Variants in PNPLA7 observed in about 807,000 individuals in gnomAD.
PNPLA7 encodes the protein patatin-like phospholipase domain-containing protein 7.
Under a neutral mutation model 161.7 loss-of-function variants are expected in PNPLA7, and 153 were observed. That is an observed-to-expected ratio of 0.95 (90% CI 0.83 to 1.08). The LOEUF is 1.08. Ranked by LOEUF, PNPLA7 falls within the 50% of genes least tolerant of loss-of-function variation. The pLI, the probability that PNPLA7 is intolerant of heterozygous loss-of-function variation, is 0.00. For missense variants in PNPLA7, 1,739 were observed against 1,856.6 expected, an observed-to-expected ratio of 0.94 and a Z score of 1.16; for synonymous variants, 809 against 782.1, an observed-to-expected ratio of 1.03 and a Z score of -0.57.
rs1193466596 is a variant in PNPLA7, at chr9:137,541,705, AC to A, written c.666+936del. 6.6e-6 allele frequency among the ~76,000 whole-genome samples: 1 copy of A among 151,956 alleles called. No individual in the cohort carries two copies. The highest frequency in any genetic ancestry group is 6.6e-5 in the Admixed American group (1 of 15,230). On this transcript the variant is annotated intron_variant, in intron 7 of 34. Transcript: ENST00000406427. This position sits in a 1 kb window ranked among gnomAD's most constrained non-coding sequence, Gnocchi z 4.4. ...CACGGCAGGGTCTGGCCCAGCACCC[AC>A]CCCCGAGCAGCGATTCAAAGGGTGG...
rs1460605421 is a variant in PNPLA7, at chr9:137,462,727, C to A, written c.3450G>T (p.Trp1150Cys). The change falls in exon 30 of 35, where the codon TGG (tryptophan) becomes TGT (cysteine). Residue 1150 changes from tryptophan to cysteine, a missense_variant. By Grantham distance (215) the Trp-to-Cys change is radical. Coordinates refer to ENST00000406427, the MANE Select transcript of PNPLA7 (RefSeq NM_001098537.3). ...AGGGGTTCCAGCGTTTCCACAGCAGCCACCACCCAGACAGCGCATCCCCAT... is the reference window on the plus strand; with the variant it reads ...AGGGGTTCCAGCGTTTCCACAGCAGACACCACCCAGACAGCGCATCCCCAT... ...TNYGDALSGW[W>C]LLWKRWNPLA... 10 of 1,614,026 alleles carry A rather than the reference C, an allele frequency of 6.2e-6. No homozygotes were observed. In the South Asian group the frequency reaches 1.1e-4, roughly 18 times the overall value.
At position 137,520,545 on chromosome 9, in the gene PNPLA7, C is replaced by T. The variant is rs7866193; in HGVS notation, c.958-502G>A. On this transcript the variant is annotated intron_variant, in intron 10 of 34. Coordinates refer to ENST00000406427, the MANE Select transcript of PNPLA7 (RefSeq NM_001098537.3). The surrounding 1 kb of genome is among the most constrained non-coding windows in gnomAD (Gnocchi z 5.2). ...AATTATGATTTCCAACTGAAATGCA[C>T]ATACTAAAGACTAATGCGTGCTGGG... Among the ~76,000 whole-genome samples the T allele has an allele frequency of 9.6e-3, 1,464 of 152,334 alleles. 22 individuals carry two copies. Among genetic ancestry groups the T allele is most frequent in the African/African-American group, 0.033 (1,362 of 41,580 alleles).
intron 13 of PNPLA7, 45 bp downstream of exon 13, chr9:137,505,938 G>A (rs757756749): frequency 6.4e-7 from 1 of 1,570,556 alleles, no homozygotes; most frequent in East Asian, 2.3e-5. Flanking sequence ...GCCACGGAGA[G>A]GGTGGGGCCC....
At position 137,505,766 on chromosome 9, in the gene PNPLA7, G is replaced by A. The variant is rs775123820; in HGVS notation, c.1327-6C>T. 9.9e-6 allele frequency: 16 copies of A among 1,613,424 alleles called. No homozygotes were observed. The highest frequency in any genetic ancestry group is 5.9e-6 in the Non-Finnish European group (7 of 1,179,648). ...ACCATCACGCTTTTCCTGGACTGGA[G>A]AAGAACGGAGATACCGGCAATTCGA... On this transcript the variant is annotated splice_region_variant and splice_polypyrimidine_tract_variant and intron_variant, in intron 13 of 34. Transcript: ENST00000406427.
In PNPLA7 at chr9:137,468,441, C is replaced by T. The variant is rs1831574047; in HGVS notation, c.2883-968G>A. On this transcript the variant is annotated intron_variant, in intron 25 of 34. Coordinates refer to ENST00000406427, the MANE Select transcript of PNPLA7 (RefSeq NM_001098537.3). This position sits in a 1 kb window ranked among gnomAD's most constrained non-coding sequence, Gnocchi z 4.0. ...GACCACGCTTAAAGTGTGCAGGGAG[C>T]CAAAAGGTGGCAACAGCTGATGAAT... Among the ~76,000 whole-genome samples, 1 of 152,068 alleles carries T rather than the reference C, an allele frequency of 6.6e-6. No homozygotes were observed. The highest frequency in any genetic ancestry group is 2.1e-4 in the South Asian group (1 of 4,816).
chr9:137,497,204 CT>C lies in PNPLA7; in HGVS notation c.1995del (p.Gly666GlufsTer10), dbSNP rs1392927706. 1 of 1,584,938 alleles carries C rather than the reference CT, an allele frequency of 6.3e-7. No homozygotes were observed. The highest frequency in any genetic ancestry group is 1.4e-5 in the African/African-American group (1 of 73,730). ...GCACCTACCACGCCGACGAGGTCTC[CT>C]CGGCCGTACTCCCCGGCCAGGCGCT... ...GKKRLAGEYG[R>X]GDLVGVVETL... is the part of the protein sequence containing the mutation. On this transcript the variant is annotated frameshift_variant, in exon 18 of 35. Coordinates refer to ENST00000406427, the MANE Select transcript of PNPLA7 (RefSeq NM_001098537.3). LOFTEE classifies it high-confidence loss of function.
intron 12 of PNPLA7, chr9:137,509,259 TGA>T: frequency 6.5e-6 from 1 of 154,944 alleles, no homozygotes; most frequent in South Asian, 2.0e-4. Flanking sequence ...CTGGCATGAG[TGA>T]GTTTAGCTGG....
chr9:137,543,618 G>A lies in PNPLA7; in HGVS notation c.366-46C>T, dbSNP rs773696798. ...AGCCTTGAGCAGACCAGGCGGGTTC[G>A]AAACCCACAGCATCAGTGGCTGACA... On this transcript the variant is annotated intron_variant, in intron 5 of 34. Transcript: ENST00000406427. The surrounding 1 kb of genome is among the most constrained non-coding windows in gnomAD (Gnocchi z 6.9). 3.5e-5 allele frequency: 56 copies of A among 1,605,892 alleles called. No homozygotes were observed. The highest frequency in any genetic ancestry group is 4.6e-5 in the Non-Finnish European group (54 of 1,175,366).
chr9:137,462,081 G>GC (rs781366750), intron 31 of PNPLA7, 40 bp from the exon 32 acceptor site: 3 of 1,531,146 alleles, frequency 2.0e-6, no homozygotes, highest in African/African-American at 1.4e-5. Flanking sequence ...GGTGTGGGGA[G>GC]CCCCCCACTT....
chr9:137,504,031 G>GGAAGGAAGAAGAAAGAA (rs1484594241), intron 14 of PNPLA7, among the ~76,000 whole-genome samples: 13 of 10,084 alleles, frequency 1.3e-3, no homozygotes, highest in African/African-American at 4.8e-3. Flanking sequence ...AGAAGGAGGA[G>GGAAGGAAGAAGAAAGAA]GAAGGAAGAA....
chr9:137,531,184 G>A (rs1011018674), intron 8 of PNPLA7, among the ~76,000 whole-genome samples: 1 of 152,074 alleles, frequency 6.6e-6, no homozygotes, highest in East Asian at 1.9e-4. Context: ...GGGGTCCAGC[G>A]ACTGAAATCA....
At chr9:137,479,422 A>G in intron 23 of PNPLA7, 184 bp from the exon 24 acceptor site, 2 of 1,302,032 alleles carry the variant, frequency 1.5e-6, no homozygotes, top group South Asian at 2.5e-5. Flanking sequence ...GCAGGGGTCC[A>G]TCCGTCCACT....
At position 137,462,137 on chromosome 9, in the gene PNPLA7, TGCCTCCGCCC is replaced by T. The variant is rs770420604; in HGVS notation, c.3645+32_3645+41del. 349 of 1,530,640 alleles carry T rather than the reference TGCCTCCGCCC, an allele frequency of 2.3e-4. 3 individuals are homozygous for T. In the East Asian group the frequency reaches 3.1e-3, roughly 14 times the overall value. The allele number at this position is 1,530,640 out of a possible 1,614,324, so 94.8% of individuals were successfully genotyped here. ...AAGCGAGGAGGGGCAGCCACCAGAG[TGCCTCCGCCC>T]GCCTCCGCCGCCGCGGGTGGCCGGC... On this transcript the variant is annotated intron_variant, in intron 31 of 34. Coordinates refer to ENST00000406427, the MANE Select transcript of PNPLA7 (RefSeq NM_001098537.3).
In PNPLA7 at chr9:137,541,371, C is replaced by G. The variant is rs1836193398; in HGVS notation, c.667-649G>C. 1.0e-6 allele frequency: 1 copy of G among 965,770 alleles called. No homozygotes were observed. The highest frequency in any genetic ancestry group is 6.2e-5 in the Admixed American group (1 of 16,244). 59.8% of individuals were successfully genotyped at this position (965,770 alleles called of 1,614,324 possible). A position where few individuals can be genotyped will look rare whatever the true frequency, so the allele number is the denominator to read the frequency against. On this transcript the variant is annotated intron_variant, in intron 7 of 34. Transcript: ENST00000406427. The surrounding 1 kb of genome is among the most constrained non-coding windows in gnomAD (Gnocchi z 4.4). Reference sequence around the variant, plus strand: ...GCTCCAGCTTCCCCCAAGCCCCTTTCCCTTCTAATAACCCATCAAGTCCAG... The same window carrying G: ...GCTCCAGCTTCCCCCAAGCCCCTTTGCCTTCTAATAACCCATCAAGTCCAG...
intron 11 of PNPLA7, chr9:137,516,314 G>A (rs909815828): frequency 2.4e-5 from 24 of 983,978 alleles, no homozygotes; most frequent in Admixed American, 6.2e-5. Context: ...CAGGTGAAAC[G>A]AGGAAGGAGC....
chr9:137,492,449 G>A (rs889139892), intron 20 of PNPLA7: 1 of 231,978 alleles, frequency 4.3e-6, no homozygotes, highest in Non-Finnish European at 6.9e-6. Flanking sequence ...GGTGGGCGGG[G>A]CTCTGAGGTA....
chr9:137,546,978 C>T (rs1836565952), intron 3 of PNPLA7, 69 bp from the exon 4 acceptor site: 5 of 1,430,064 alleles, frequency 3.5e-6, no homozygotes, highest in Non-Finnish European at 2.9e-6. Context: ...CATGCAGGTG[C>T]AGCACAGTCA....
In PNPLA7 at chr9:137,464,946, TC is replaced by T. The variant is rs533479368; in HGVS notation, c.3040-491del. ...TGCCACTGCGGTACTCCATCAGGGG[TC>T]CCGGGGAAGCCGGGCTCTCTTGGGT... On this transcript the variant is annotated intron_variant, in intron 26 of 34. Transcript: ENST00000406427. The T allele has an allele frequency of 3.4e-3, 555 of 161,090 alleles. 2 individuals are homozygous for T. Among genetic ancestry groups the T allele is most frequent in the African/African-American group, 0.013 (527 of 41,536 alleles). The allele number at this position is 161,090 out of a possible 1,614,324, so 10.0% of individuals were successfully genotyped here. A position where few individuals can be genotyped will look rare whatever the true frequency, so the allele number is the denominator to read the frequency against.
intron 25 of PNPLA7, among the ~76,000 whole-genome samples, chr9:137,469,526 G>A (rs1341031462): frequency 6.6e-6 from 1 of 152,130 alleles, no homozygotes; most frequent in Non-Finnish European, 1.5e-5. Flanking sequence ...ACCTTTAAGC[G>A]AGCCTGAGAA....
Sources: gnomAD v4.1 joint callset for allele counts (sites outside exome capture counted in the v4.1 genomes callset) on GRCh38, gnomAD v4.1.1 for gene constraint, Gnocchi (gnomAD v3.1) non-coding constraint, MANE v1.5 for transcripts, NCBI Gene and HGNC (gene_info 2026-07-23, HGNC 2026-07-21) for gene names.